The following COL4A3 variants were observed in gnomAD, a reference collection of about 807,000 sequenced individuals.
The protein encoded by COL4A3 is collagen alpha-3(IV) chain.
COL4A3 carries 135 observed loss-of-function variants against 217.4 expected under a neutral mutation model. That is an observed-to-expected ratio of 0.62 (90% CI 0.54 to 0.72). COL4A3 has a LOEUF of 0.72. Ranked by LOEUF, COL4A3 falls within the 30% of genes least tolerant of loss-of-function variation. The probability of loss-of-function intolerance (pLI) is 0.00; values close to 1 mark genes in which losing one functional copy is unlikely to be tolerated. For synonymous variants in COL4A3, 690 were observed against 736.3 expected, an observed-to-expected ratio of 0.94 and a Z score of 1.02; for missense variants, 1,868 against 2,119.9, an observed-to-expected ratio of 0.88 and a Z score of 2.33.
intron 1 of COL4A3, among the ~76,000 whole-genome samples, chr2:227,236,598 GAA>G (rs2068713424): frequency 6.6e-6 from 1 of 151,450 alleles, no homozygotes; most frequent in Non-Finnish European, 1.5e-5. Context: ...TTAACCTGAA[GAA>G]AAAATAATAA....
chr2:227,263,666 C>T, intron 20 of COL4A3, 114 bp from the exon 21 acceptor site: 1 of 1,071,650 alleles, frequency 9.3e-7, no homozygotes, highest in African/African-American at 1.6e-5. Flanking sequence ...GTGTTATGTA[C>T]CTCTCCATTG....
chr2:227,294,944 GTTTTT>G lies in COL4A3; in HGVS notation c.3419-8_3419-4del. 3.7e-6 allele frequency: 5 copies of G among 1,368,754 alleles called. No individual in the cohort carries two copies. Among genetic ancestry groups the G allele is most frequent in the African/African-American group, 1.5e-5 (1 of 67,498 alleles). The allele number at this position is 1,368,754 out of a possible 1,614,324, so 84.8% of individuals were successfully genotyped here. A position where few individuals can be genotyped will look rare whatever the true frequency, so the allele number is the denominator to read the frequency against. ...GTATACCATAGTTTGGGGTTTTTGG[GTTTTT>G]TTTTTTTTTTTCAGGTCTTCCAGGA... On this transcript the variant is annotated splice_polypyrimidine_tract_variant and intron_variant, in intron 39 of 51. Coordinates refer to ENST00000396578, the MANE Select transcript of COL4A3 (RefSeq NM_000091.5).
rs554223976 is a variant in COL4A3 at position 227,202,692 on chromosome 2, G to A, written c.88-35276G>A. Among the ~76,000 whole-genome samples, 32 of 147,120 alleles carry A rather than the reference G, an allele frequency of 2.2e-4. No individual in the cohort carries two copies. In the South Asian group the frequency reaches 4.0e-3, roughly 19 times the overall value. On this transcript the variant is annotated intron_variant, in intron 1 of 51. Coordinates refer to ENST00000396578, the MANE Select transcript of COL4A3 (RefSeq NM_000091.5). The stretch of plus-strand genomic sequence containing the variant: ...AGAGCTTGCAGTGAGCCGAGATAGC[G>A]CCACTGCAGTCCGGCCTGGGAGAAA...
Position 227,294,590 on chromosome 2 carries a change from T to G in COL4A3, c.3418+20T>G, listed in dbSNP as rs1299002596. On this transcript the variant is annotated intron_variant, in intron 39 of 51. Coordinates refer to ENST00000396578, the MANE Select transcript of COL4A3 (RefSeq NM_000091.5). Reference sequence around the variant, plus strand: ...CTCCAGGTTTCATTTTTGTACTTTCTCTTTTTCCTTTTCATGTGGGAGACA... The same window carrying G: ...CTCCAGGTTTCATTTTTGTACTTTCGCTTTTTCCTTTTCATGTGGGAGACA... The G allele has an allele frequency of 6.5e-7, 1 of 1,548,198 alleles. No homozygotes were observed. The highest frequency in any genetic ancestry group is 1.1e-5 in the South Asian group (1 of 89,722).
intron 20 of COL4A3, among the ~76,000 whole-genome samples, chr2:227,263,222 T>C (rs1363841779): frequency 6.6e-6 from 1 of 152,238 alleles, no homozygotes; most frequent in Non-Finnish European, 1.5e-5. Flanking sequence ...ATCTCTCTTC[T>C]TAATAGTTAA....
chr2:227,225,078 A>AT (rs979107027), intron 1 of COL4A3, among the ~76,000 whole-genome samples: 4 of 151,926 alleles, frequency 2.6e-5, no homozygotes, highest in Non-Finnish European at 5.9e-5. Context: ...TGCCTGGCTA[A>AT]TTTTTTTTAT....
At chr2:227,252,586 GCACACACACACACA>G (rs59472907) in intron 11 of COL4A3, among the ~76,000 whole-genome samples, 157 of 146,390 alleles carry the variant, frequency 1.1e-3, no homozygotes, top group African/African-American at 3.9e-3. Flanking sequence ...ACACACAAAT[GCACACACACACACA>G]CACACACACA....
chr2:227,180,243 C>A (rs1392609723), intron 1 of COL4A3, among the ~76,000 whole-genome samples: 1 of 152,184 alleles, frequency 6.6e-6, no homozygotes, highest in African/African-American at 2.4e-5. Context: ...GAGAACAGGG[C>A]AGCCTCTGAA....
At chr2:227,180,252 A>C (rs953633752) in intron 1 of COL4A3, among the ~76,000 whole-genome samples, 9 of 152,224 alleles carry the variant, frequency 5.9e-5, no homozygotes, top group Non-Finnish European at 1.2e-4. Context: ...GCAGCCTCTG[A>C]AATCTTATGA....
intron 19 of COL4A3, chr2:227,260,202 C>A: frequency 4.3e-6 from 2 of 463,030 alleles, no homozygotes; most frequent in Non-Finnish European, 4.1e-6. Context: ...AAATGGAGAC[C>A]GCGAACAAAC....
intron 1 of COL4A3, among the ~76,000 whole-genome samples, chr2:227,208,673 C>T (rs13391807): frequency 0.076 from 11,538 of 151,346 alleles, 656 homozygotes; most frequent in African/African-American, 0.15. Flanking sequence ...GCCGGCTCTG[C>T]GTGAATTACT....
At position 227,279,778 on chromosome 2, in the gene COL4A3, GT is replaced by G; in HGVS notation, c.2126-9del. 6.4e-7 allele frequency: 1 copy of G among 1,566,700 alleles called. No homozygotes were observed. The highest frequency in any genetic ancestry group is 1.7e-5 in the Admixed American group (1 of 57,630). ...GACTAATCCTACAACAATGTTTATT[GT>G]TTTTTCTCTGTAGGAGACCAAGGTT... On this transcript the variant is annotated splice_polypyrimidine_tract_variant and intron_variant, in intron 28 of 51. Coordinates refer to ENST00000396578, the MANE Select transcript of COL4A3 (RefSeq NM_000091.5).
chr2:227,167,306 G>A (rs1477897483), intron 1 of COL4A3, among the ~76,000 whole-genome samples: 1 of 152,222 alleles, frequency 6.6e-6, no homozygotes, highest in Non-Finnish European at 1.5e-5. Context: ...AGACGGGGTG[G>A]AACTGTCCAC....
At chr2:227,167,467 T>TGTC (rs1419023587) in intron 1 of COL4A3, among the ~76,000 whole-genome samples, 6 of 152,354 alleles carry the variant, frequency 3.9e-5, no homozygotes, top group African/African-American at 1.2e-4. Context: ...ACCTTGTTGT[T>TGTC]GTCTCAGGCA....
At chr2:227,238,191 A>G in intron 2 of COL4A3, 167 bp downstream of exon 2, 2 of 513,496 alleles carry the variant, frequency 3.9e-6, no homozygotes, top group Non-Finnish European at 7.1e-6. Flanking sequence ...AAAAAAAAAG[A>G]AAAAAGTCAT....
rs532996076 is a variant in COL4A3 at position 227,240,345 on chromosome 2, G to T, written c.234+113G>T. On this transcript the variant is annotated intron_variant, in intron 3 of 51. Coordinates refer to ENST00000396578, the MANE Select transcript of COL4A3 (RefSeq NM_000091.5). ...TCCACATCTTAGCCAACTGCTAGGT[G>T]CATGGTGAACTCCTGGTTTCCGGTA... 28 of 1,006,548 alleles carry T rather than the reference G, an allele frequency of 2.8e-5. No individual in the cohort carries two copies. The East Asian group carries it at 5.0e-4, about 18-fold the overall frequency. 62.4% of individuals were successfully genotyped at this position (1,006,548 alleles called of 1,614,324 possible).
At chr2:227,261,590 G>A (rs553104254) in intron 20 of COL4A3, among the ~76,000 whole-genome samples, 2 of 152,340 alleles carry the variant, frequency 1.3e-5, no homozygotes, top group East Asian at 3.9e-4. Context: ...AGTGGAAGAA[G>A]GAGTGGAGCT....
At chr2:227,271,982 C>G (rs1222940339) in intron 25 of COL4A3, among the ~76,000 whole-genome samples, 7 of 152,102 alleles carry the variant, frequency 4.6e-5, no homozygotes, top group Non-Finnish European at 1.0e-4. Context: ...ATTTACAGAC[C>G]CTTTAATATC....
rs1367247541 is a variant in COL4A3 at position 227,304,886 on chromosome 2, A to G, written c.4154-99A>G. On this transcript the variant is annotated intron_variant, in intron 46 of 51. Coordinates refer to ENST00000396578, the MANE Select transcript of COL4A3 (RefSeq NM_000091.5). ...GATCTTCCCAGGATGCAGGACTTTC[A>G]TTCCTGAAACTGAGAAAGTCCTGGG... 3 of 989,498 alleles carry G rather than the reference A, an allele frequency of 3.0e-6. No homozygotes were observed. In the Admixed American group the frequency reaches 6.0e-5, roughly 20 times the overall value. 61.3% of individuals were successfully genotyped at this position (989,498 alleles called of 1,614,324 possible). A position where few individuals can be genotyped will look rare whatever the true frequency, so the allele number is the denominator to read the frequency against.
Sources: allele counts gnomAD v4.1 joint callset (sites outside exome capture counted in the v4.1 genomes callset), GRCh38; gene constraint gnomAD v4.1.1; transcripts MANE v1.5; gene names NCBI Gene and HGNC (gene_info 2026-07-23, HGNC 2026-07-21).